The following PHF11 variants were observed in gnomAD, a reference collection of about 807,000 sequenced individuals.
PHF11 encodes PHD finger protein 11.
Under a neutral mutation model 40.5 loss-of-function variants are expected in PHF11, and 38 were observed. The observed-to-expected ratio is 0.94, with a 90% CI of 0.72 to 1.23. PHF11 has a LOEUF of 1.23. PHF11 is among the 50% of genes most tolerant of loss of function. The pLI, the probability that PHF11 is intolerant of heterozygous loss-of-function variation, is 0.00. For synonymous variants in PHF11, 127 were observed against 138.2 expected, an observed-to-expected ratio of 0.92 and a Z score of 0.57; for missense variants, 369 against 392.4, an observed-to-expected ratio of 0.94 and a Z score of 0.50.
At chr13:49,518,814 T>C (rs1243968072) in intron 4 of PHF11, 1 of 150,692 alleles carries the variant, frequency 6.6e-6, no homozygotes, top group African/African-American at 2.4e-5. Flanking sequence ...AGCCTACCAT[T>C]GAAAGAAGCT....
intron 1 of PHF11, among the ~76,000 whole-genome samples, chr13:49,500,415 A>G (rs1030097648): frequency 1.3e-5 from 2 of 152,186 alleles, no homozygotes; most frequent in Non-Finnish European, 2.9e-5. Flanking sequence ...GTCCAAATGT[A>G]TGTGGTCCAT....
At chr13:49,519,501 T>A (rs1959177619) in intron 4 of PHF11, among the ~76,000 whole-genome samples, 1 of 152,172 alleles carries the variant, frequency 6.6e-6, no homozygotes, top group African/African-American at 2.4e-5. Context: ...TACGCATTTT[T>A]AAACTGAATT....
rs756545954 is a variant in PHF11, at chr13:49,513,051, A to G, written c.217-8A>G. The G allele has an allele frequency of 2.3e-5, 32 of 1,407,470 alleles. No homozygotes were observed. The Admixed American group carries it at 3.0e-4, about 13-fold the overall frequency. The allele number at this position is 1,407,470 out of a possible 1,614,324, so 87.2% of individuals were successfully genotyped here. ...TGCATACTCTGGATTTTTTTTTCCA[A>G]TCTGCAGCTGTATTCTTCAGGACTT... On this transcript the variant is annotated splice_polypyrimidine_tract_variant and splice_region_variant and intron_variant, in intron 2 of 9. Transcript: ENST00000378319.
intron 2 of PHF11, among the ~76,000 whole-genome samples, chr13:49,512,278 CT>C (rs748029200): frequency 6.6e-6 from 1 of 152,196 alleles, no homozygotes; most frequent in Non-Finnish European, 1.5e-5. Flanking sequence ...GGATACAAGT[CT>C]TTTGTCAGAG....
At chr13:49,500,513 AT>A (rs1167569754) in intron 1 of PHF11, among the ~76,000 whole-genome samples, 1 of 152,128 alleles carries the variant, frequency 6.6e-6, no homozygotes, top group Non-Finnish European at 1.5e-5. Flanking sequence ...ATAGTGAGAG[AT>A]GCCTGTGTAA....
chr13:49,508,928 A>G (rs999353078), intron 2 of PHF11, among the ~76,000 whole-genome samples: 2 of 152,202 alleles, frequency 1.3e-5, no homozygotes, highest in Non-Finnish European at 2.9e-5. Flanking sequence ...CATTTAATTA[A>G]AATAAGGAAG....
In PHF11 at chr13:49,526,303, C is replaced by T. The variant is rs865849041; in HGVS notation, c.770-84C>T. ...GGCACATGACTGCTCTCTTTCCTTT[C>T]CCCTGTTTTGGATTACATATATAAA... On this transcript the variant is annotated intron_variant, in intron 8 of 9. Transcript: ENST00000378319. 24 of 831,822 alleles carry T rather than the reference C, an allele frequency of 2.9e-5. No homozygotes were observed. In the Middle Eastern group the frequency reaches 3.5e-3, roughly 122 times the overall value. 51.5% of individuals were successfully genotyped at this position (831,822 alleles called of 1,614,324 possible). A position where few individuals can be genotyped will look rare whatever the true frequency, so the allele number is the denominator to read the frequency against.
At chr13:49,521,856 G>A (rs1594219619) in intron 5 of PHF11, 187 bp from the exon 6 acceptor site, 3 of 379,320 alleles carry the variant, frequency 7.9e-6, no homozygotes, top group South Asian at 4.7e-5. Context: ...TACCTGTTTT[G>A]CATTAAACTT....
chr13:49,506,066 G>A (rs1301171063), intron 1 of PHF11, among the ~76,000 whole-genome samples: 1 of 152,040 alleles, frequency 6.6e-6, no homozygotes, highest in Non-Finnish European at 1.5e-5. Context: ...AGGTTTGCCT[G>A]TATTTAAATT....
intron 1 of PHF11, among the ~76,000 whole-genome samples, chr13:49,499,177 C>G (rs904257120): frequency 1.3e-5 from 2 of 152,234 alleles, no homozygotes; most frequent in Admixed American, 1.3e-4. Flanking sequence ...GATGGCTGCC[C>G]TTGCAGCCTC....
intron 4 of PHF11, 65 bp downstream of exon 4, chr13:49,518,216 A>G: frequency 8.5e-7 from 1 of 1,179,060 alleles, no homozygotes; most frequent in South Asian, 1.6e-5. Context: ...TTGGATTAAG[A>G]CAAGGAGACT....
In PHF11 at chr13:49,522,099, C is replaced by T; in HGVS notation, c.562C>T (p.His188Tyr). 6.5e-7 allele frequency: 1 copy of T among 1,534,156 alleles called. No homozygotes were observed. Among genetic ancestry groups the T allele is most frequent in the Non-Finnish European group, 9.0e-7 (1 of 1,109,914 alleles). ...AAGGAAGAAACCCCTCTCAGGCAAT[C>T]ATGTACAGGTAATTTGACTTAGTTT... ...RGRKKPLSGNHVQPPETMKCN... is the reference protein window; with the variant it reads ...RGRKKPLSGNYVQPPETMKCN... Residue 188 changes from histidine (H) to tyrosine (Y), a missense_variant, in exon 6 of 10, where the codon CAT (histidine) becomes TAT (tyrosine). Transcript: ENST00000378319.
At chr13:49,512,748 T>C (rs1418036997) in intron 2 of PHF11, among the ~76,000 whole-genome samples, 1 of 152,232 alleles carries the variant, frequency 6.6e-6, no homozygotes, top group Admixed American at 6.5e-5. Flanking sequence ...GCTTCAGCTA[T>C]TGCTCAAAGC....
At chr13:49,497,054 AG>A (rs1958825269) in intron 1 of PHF11, 5 of 1,252,050 alleles carry the variant, frequency 4.0e-6, no homozygotes, top group Non-Finnish European at 5.2e-6. Flanking sequence ...TTACCTTTAA[AG>A]GGCAAGACTC....
rs773236265 is a variant in PHF11 at position 49,528,508 on chromosome 13, T to C, written c.842-3T>C. The stretch of plus-strand genomic sequence containing the variant: ...GAAATAATTTTATTTCTTCTTTTCA[T>C]AGCAATAGAGAAAAAAATTCATGCA... On this transcript the variant is annotated splice_polypyrimidine_tract_variant and splice_region_variant and intron_variant, in intron 9 of 9. Coordinates refer to ENST00000378319, the MANE Select transcript of PHF11 (RefSeq NM_001040443.3). 1 of 1,579,890 alleles carries C rather than the reference T, an allele frequency of 6.3e-7. No homozygotes were observed.
At chr13:49,519,799 A>G (rs1959179005) in intron 4 of PHF11, among the ~76,000 whole-genome samples, 1 of 152,098 alleles carries the variant, frequency 6.6e-6, no homozygotes, top group Non-Finnish European at 1.5e-5. Context: ...GGGAAGTGAA[A>G]GTGCTCAGAG....
chr13:49,528,439 G>A, intron 9 of PHF11, 72 bp from the exon 10 acceptor site: 2 of 1,079,156 alleles, frequency 1.9e-6, no homozygotes, highest in Non-Finnish European at 2.7e-6. Context: ...AGTGAAAGGG[G>A]CTAGAAATGG....
At chr13:49,526,238 GTGC>G (rs1368560442) in intron 8 of PHF11, 146 bp from the exon 9 acceptor site, 12 of 605,746 alleles carry the variant, frequency 2.0e-5, no homozygotes, top group East Asian at 5.7e-5. Context: ...CTTCCCTGTA[GTGC>G]TGCTGCTGCT....
intron 4 of PHF11, 176 bp downstream of exon 4, chr13:49,518,327 T>TAC: frequency 1.1e-5 from 1 of 92,888 alleles, no homozygotes; most frequent in Non-Finnish European, 1.7e-5. Flanking sequence ...GAAAAATCTA[T>TAC]ATATATATAT....
Sources: allele counts gnomAD v4.1 joint callset (sites outside exome capture counted in the v4.1 genomes callset), GRCh38; gene constraint gnomAD v4.1.1; transcripts MANE v1.5; gene names NCBI Gene and HGNC (gene_info 2026-07-23, HGNC 2026-07-21).